NTRK3: variants seen among roughly 807,000 people sequenced by gnomAD.
NTRK3 encodes the protein NT-3 growth factor receptor.
Under a neutral mutation model 91.7 loss-of-function variants are expected in NTRK3, and 24 were observed. The observed-to-expected ratio is 0.26, with a 90% CI of 0.19 to 0.37. The LOEUF is 0.37. NTRK3 is among the 10% of genes least tolerant of loss of function. The pLI is 1.00. For synonymous variants in NTRK3, 483 were observed against 404.0 expected (o/e 1.20, Z -2.34); for missense variants, 880 against 1,068.9 (o/e 0.82, Z 2.46).
At chr15:88,036,959 T>C (rs1045695080) in intron 13 of NTRK3, among the ~76,000 whole-genome samples, 1 of 152,190 alleles carries the variant, frequency 6.6e-6, no homozygotes. Context: ...ATAAAGTCCA[T>C]AGATAGCAAG....
intron 13 of NTRK3, among the ~76,000 whole-genome samples, chr15:88,039,116 TCAACACACACACA>T (rs962750619): frequency 8.6e-6 from 1 of 116,392 alleles, no homozygotes; most frequent in African/African-American, 3.4e-5. Context: ...TATTGAGCCC[TCAACACACACACA>T]CACACACACA....
intron 14 of NTRK3, among the ~76,000 whole-genome samples, chr15:88,031,995 T>G (rs967929090): frequency 8.5e-5 from 13 of 152,120 alleles, no homozygotes; most frequent in Non-Finnish European, 5.9e-5. Context: ...GCCGATCACT[T>G]CTGTCCTTCC....
intron 15 of NTRK3, among the ~76,000 whole-genome samples, chr15:87,940,194 G>A (rs963250793): frequency 1.3e-5 from 2 of 151,730 alleles, no homozygotes; most frequent in Non-Finnish European, 2.9e-5. Context: ...GTGCCCTTGG[G>A]AAGTGGTTAC....
At chr15:88,068,051 C>T (rs1309949050) in intron 13 of NTRK3, among the ~76,000 whole-genome samples, 3 of 152,122 alleles carry the variant, frequency 2.0e-5, no homozygotes, top group African/African-American at 7.2e-5. Flanking sequence ...AGAGTGGATA[C>T]TGGGCAAATG....
chr15:87,981,175 T>C, intron 14 of NTRK3: 1 of 1,551,766 alleles, frequency 6.4e-7, no homozygotes, highest in Non-Finnish European at 8.7e-7. Flanking sequence ...CCAAAATTGG[T>C]TAGGGGAGGG....
chr15:87,929,446 T>C lies in NTRK3; in HGVS notation c.1890-12A>G, dbSNP rs1455388835. 1 of 1,613,254 alleles carries C rather than the reference T, an allele frequency of 6.2e-7. No homozygotes were observed. The stretch of plus-strand genomic sequence containing the variant: ...CTGGCCCATGGGCCCTGCAAGAGCA[T>C]GGGGAGAAGAGAGGGGGCAGAGAGA... On this transcript the variant is annotated splice_polypyrimidine_tract_variant and intron_variant, in intron 16 of 18. Transcript: ENST00000394480.
exon 8 of NTRK3, chr15:88,136,577 G>C (rs2151211499): frequency 6.2e-7 from 1 of 1,613,584 alleles, no homozygotes; most frequent in Non-Finnish European, 8.5e-7. Context: ...CGTACGGTCA[G>C]GTTGACGTGG....
rs1449236017 is a variant in NTRK3, at chr15:88,237,936, C to G, written c.248+17970G>C. Among the ~76,000 whole-genome samples the G allele has an allele frequency of 6.6e-6, 1 of 152,230 alleles. No homozygotes were observed. Among genetic ancestry groups the G allele is most frequent in the Non-Finnish European group, 1.5e-5 (1 of 68,018 alleles). On this transcript the variant is annotated intron_variant, in intron 3 of 18. Transcript: ENST00000394480. The surrounding 1 kb of genome is among the most constrained non-coding windows in gnomAD (Gnocchi z 4.0). ...TTTGTTGAAGTCCTAACCCCCAGTA[C>G]CTCGGAATGTAACTGTATTTGGAGA...
intron 3 of NTRK3, among the ~76,000 whole-genome samples, chr15:88,216,635 A>G (rs2049796772): frequency 6.6e-6 from 1 of 152,182 alleles, no homozygotes; most frequent in Non-Finnish European, 1.5e-5. Context: ...CCTGCCACCC[A>G]GCCATCCTTC....
intron 17 of NTRK3, among the ~76,000 whole-genome samples, chr15:87,913,407 AG>A (rs2067232900): frequency 1.3e-5 from 2 of 152,154 alleles, no homozygotes; most frequent in African/African-American, 4.8e-5. Context: ...CCCTGAATTG[AG>A]AGCACTGCTC....
At chr15:87,895,625 C>T (rs202150897) in intron 17 of NTRK3, among the ~76,000 whole-genome samples, 1 of 152,102 alleles carries the variant, frequency 6.6e-6, no homozygotes, top group Non-Finnish European at 1.5e-5. Flanking sequence ...CCTTTGTTTT[C>T]CTTCCTCTCT....
At chr15:88,125,782 G>A (rs1236655032) in intron 13 of NTRK3, among the ~76,000 whole-genome samples, 1 of 152,178 alleles carries the variant, frequency 6.6e-6, no homozygotes, top group Non-Finnish European at 1.5e-5. Flanking sequence ...TCCACTCTGG[G>A]ACTCTGTGTA....
intron 13 of NTRK3, among the ~76,000 whole-genome samples, chr15:88,037,201 G>A (rs1164527451): frequency 6.6e-6 from 1 of 152,166 alleles, no homozygotes; most frequent in African/African-American, 2.4e-5. Context: ...GGCATTAGAA[G>A]GGGAGCAAGG....
chr15:87,861,400 A>G (rs908012081), exon 19 of NTRK3: 1 of 209,596 alleles, frequency 4.8e-6, no homozygotes, highest in Middle Eastern at 1.5e-3. Flanking sequence ...TGTAATGTCC[A>G]GTAGGAAACA....
intron 14 of NTRK3, among the ~76,000 whole-genome samples, chr15:87,956,168 G>C (rs1305305678): frequency 6.6e-6 from 1 of 152,170 alleles, no homozygotes; most frequent in African/African-American, 2.4e-5. Flanking sequence ...GCAACAGTCA[G>C]ATGGAAACTG....
rs570802672 is a variant in NTRK3, at chr15:88,004,967, G to A, written c.1585+27890C>T. 2.9e-3 allele frequency among the ~76,000 whole-genome samples: 443 copies of A among 152,252 alleles called. 1 individual carries two copies. The highest frequency in any genetic ancestry group is 4.5e-3 in the Non-Finnish European group (309 of 68,024). ...CATCCTCCCAATGCCTAGCAAAGTGGTATTTATTATTCTCATCTTACAGAT... is the reference window on the plus strand; with the variant it reads ...CATCCTCCCAATGCCTAGCAAAGTGATATTTATTATTCTCATCTTACAGAT... On this transcript the variant is annotated intron_variant, in intron 14 of 18. Coordinates refer to ENST00000394480, the Ensembl canonical transcript of NTRK3.
At chr15:87,937,875 G>C (rs2069446462) in intron 15 of NTRK3, among the ~76,000 whole-genome samples, 1 of 151,508 alleles carries the variant, frequency 6.6e-6, no homozygotes, top group Non-Finnish European at 1.5e-5. Context: ...CCACAGACAG[G>C]AAAAGCTTTA....
chr15:87,923,774 T>C (rs1038684817), intron 17 of NTRK3, among the ~76,000 whole-genome samples: 1 of 152,174 alleles, frequency 6.6e-6, no homozygotes, highest in Non-Finnish European at 1.5e-5. Flanking sequence ...TGATTAATCA[T>C]GAGAGCTCTG....
At chr15:88,167,460 T>C (rs554153578) in intron 5 of NTRK3, among the ~76,000 whole-genome samples, 1 of 152,284 alleles carries the variant, frequency 6.6e-6, no homozygotes, top group South Asian at 2.1e-4. Flanking sequence ...CTCTACTACT[T>C]CTAGCTGTGT....
Sources: allele counts gnomAD v4.1 joint callset (sites outside exome capture counted in the v4.1 genomes callset), GRCh38; gene constraint gnomAD v4.1.1; non-coding constraint Gnocchi (gnomAD v3.1); transcripts MANE v1.5; gene names NCBI Gene and HGNC (gene_info 2026-07-23, HGNC 2026-07-21).